Variants in YAP1 observed in about 807,000 individuals in gnomAD.
The protein encoded by YAP1 is transcriptional coactivator YAP1.
Under a neutral mutation model 56.9 loss-of-function variants are expected in YAP1, and 5 were observed. That is an observed-to-expected ratio of 0.09 (90% CI 0.05 to 0.18). YAP1 has a LOEUF of 0.18. Among genes scored for constraint, YAP1 ranks in the 10% least tolerant of loss-of-function variants. YAP1 has a pLI of 1.00. For missense variants in YAP1, 539 were observed against 651.8 expected, an observed-to-expected ratio of 0.83 and a Z score of 1.88; for synonymous variants, 265 against 248.1, an observed-to-expected ratio of 1.07 and a Z score of -0.64.
At chr11:102,161,910 C>T (rs1450496471) in intron 2 of YAP1, among the ~76,000 whole-genome samples, 1 of 152,100 alleles carries the variant, frequency 6.6e-6, no homozygotes, top group Non-Finnish European at 1.5e-5. Context: ...TGTGTAAGAA[C>T]ATGTTATTCA....
At position 102,206,041 on chromosome 11, in the gene YAP1, G is replaced by A; in HGVS notation, c.951G>A (p.Arg317=). ...AGCAACTGCAGATGGAGAAGGAGAGGCTGCGGCTGAAACAGCAAGAACTGC... is the reference window on the plus strand; with the variant it reads ...AGCAACTGCAGATGGAGAAGGAGAGACTGCGGCTGAAACAGCAAGAACTGC... The part of the protein sequence containing the change: ...RLQQLQMEKE[R]LRLKQQELLR... The change falls in exon 5 of 9, where the codon AGG becomes AGA. Residue 317 remains arginine, a synonymous_variant. Coordinates refer to ENST00000282441, the MANE Select transcript of YAP1 (RefSeq NM_001130145.3). The A allele has an allele frequency of 1.2e-6, 2 of 1,613,986 alleles. No individual in the cohort carries two copies. Among genetic ancestry groups the A allele is most frequent in the Non-Finnish European group, 1.7e-6 (2 of 1,179,930 alleles).
intron 8 of YAP1, among the ~76,000 whole-genome samples, chr11:102,228,310 C>G (rs1307827594): frequency 6.6e-6 from 1 of 151,942 alleles, no homozygotes; most frequent in African/African-American, 2.4e-5. Flanking sequence ...GTGGGAAAGA[C>G]TAGGAGGTGG....
chr11:102,115,037 G>A (rs1355178546), intron 2 of YAP1, among the ~76,000 whole-genome samples: 1 of 151,900 alleles, frequency 6.6e-6, no homozygotes, highest in Non-Finnish European at 1.5e-5. Flanking sequence ...CTCCTCTCTG[G>A]GAAAACAAAA....
At chr11:102,199,682 T>A (rs1035796880) in intron 4 of YAP1, among the ~76,000 whole-genome samples, 1 of 152,110 alleles carries the variant, frequency 6.6e-6, no homozygotes, top group Admixed American at 6.5e-5. Context: ...TTTTTAAAAA[T>A]CTCTATAGGT....
intron 2 of YAP1, among the ~76,000 whole-genome samples, chr11:102,161,651 G>A (rs1254893067): frequency 6.6e-6 from 1 of 152,142 alleles, no homozygotes; most frequent in South Asian, 2.1e-4. Flanking sequence ...ACTTTTTAAG[G>A]TAGTTTTATT....
At chr11:102,176,772 AAAAAGAG>A (rs1947283193) in intron 3 of YAP1, among the ~76,000 whole-genome samples, 1 of 142,020 alleles carries the variant, frequency 7.0e-6, no homozygotes, top group Non-Finnish European at 1.5e-5. Flanking sequence ...AAAAAAAAAA[AAAAAGAG>A]TAGAATTTCA....
Position 102,205,956 on chromosome 11 carries a change from GC to G in YAP1, c.869del (p.Pro290HisfsTer31). The G allele has an allele frequency of 6.2e-7, 1 of 1,613,056 alleles. No individual in the cohort carries two copies. Among genetic ancestry groups the G allele is most frequent in the Middle Eastern group, 1.8e-4 (1 of 5,614 alleles). On this transcript the variant is annotated frameshift_variant, in exon 5 of 9. Transcript: ENST00000282441. LOFTEE classifies it high-confidence loss of function. ...VKQPPPLAPQ[S>X]PQGGVMGGSN... ...CAGCCACCACCCCTGGCTCCCCAGA[GC>G]CCACAGGGAGGCGTCATGGGTGGCA...
intron 6 of YAP1, among the ~76,000 whole-genome samples, chr11:102,210,822 G>A (rs1378136364): frequency 1.3e-5 from 2 of 151,610 alleles, no homozygotes; most frequent in Admixed American, 6.6e-5. Context: ...GTGTGATCTC[G>A]GCTCACTGCA....
At chr11:102,142,558 C>T (rs531622233) in intron 2 of YAP1, among the ~76,000 whole-genome samples, 7 of 152,360 alleles carry the variant, frequency 4.6e-5, no homozygotes, top group African/African-American at 1.7e-4. Flanking sequence ...TCATTGATGT[C>T]AGAGCCATGG....
At chr11:102,188,864 T>C (rs572070423) in intron 4 of YAP1, among the ~76,000 whole-genome samples, 134 of 152,190 alleles carry the variant, frequency 8.8e-4, no homozygotes, top group African/African-American at 3.1e-3. Flanking sequence ...ATTAATGTTA[T>C]TTATGTAATT....
At chr11:102,163,091 A>G (rs1184679990) in intron 3 of YAP1, among the ~76,000 whole-genome samples, 1 of 151,838 alleles carries the variant, frequency 6.6e-6, no homozygotes, top group Non-Finnish European at 1.5e-5. Context: ...AACCCAAAAG[A>G]ATATTTCTTA....
At chr11:102,149,812 T>C (rs937495241) in intron 2 of YAP1, among the ~76,000 whole-genome samples, 1 of 152,146 alleles carries the variant, frequency 6.6e-6, no homozygotes, top group Non-Finnish European at 1.5e-5. Context: ...AGACTGGATC[T>C]CCCTTATTCT....
At chr11:102,183,993 C>T (rs1345223281) in intron 3 of YAP1, among the ~76,000 whole-genome samples, 2 of 148,202 alleles carry the variant, frequency 1.3e-5, no homozygotes, top group Non-Finnish European at 3.0e-5. Flanking sequence ...AGGAGAATGG[C>T]GTGAACCCGG....
chr11:102,203,909 T>C (rs1034847718), intron 4 of YAP1, among the ~76,000 whole-genome samples: 5 of 151,886 alleles, frequency 3.3e-5, no homozygotes, highest in African/African-American at 9.7e-5. Context: ...AGTTAGAAAA[T>C]GAAACACAGA....
chr11:102,226,372 G>T (rs1014394662), intron 7 of YAP1, among the ~76,000 whole-genome samples: 1 of 152,214 alleles, frequency 6.6e-6, no homozygotes, highest in Admixed American at 6.5e-5. Flanking sequence ...TTTAGGGAAG[G>T]CAGTTGGGGT....
chr11:102,124,098 T>C (rs1324193920), intron 2 of YAP1, among the ~76,000 whole-genome samples: 1 of 152,006 alleles, frequency 6.6e-6, no homozygotes, highest in East Asian at 1.9e-4. Context: ...ATTACAGGCG[T>C]GTGCCACCAT....
At chr11:102,185,763 G>C (rs1263143110) in intron 3 of YAP1, among the ~76,000 whole-genome samples, 6 of 151,880 alleles carry the variant, frequency 4.0e-5, no homozygotes, top group Non-Finnish European at 8.8e-5. Flanking sequence ...CTTCCAAAAG[G>C]ATTTTTTGGA....
chr11:102,123,683 A>G (rs929135990), intron 2 of YAP1, among the ~76,000 whole-genome samples: 25 of 136,382 alleles, frequency 1.8e-4, no homozygotes, highest in African/African-American at 6.7e-4. Context: ...TCTGTCACCC[A>G]GGTTGGAGTG....
chr11:102,203,471 C>G (rs534629358), intron 4 of YAP1, among the ~76,000 whole-genome samples: 1 of 152,068 alleles, frequency 6.6e-6, no homozygotes, highest in African/African-American at 2.4e-5. Context: ...TTAAAGAAGG[C>G]CCTGTCTTTT....
Sources: gnomAD v4.1 joint callset for allele counts (sites outside exome capture counted in the v4.1 genomes callset) on GRCh38, gnomAD v4.1.1 for gene constraint, MANE v1.5 for transcripts, NCBI Gene and HGNC (gene_info 2026-07-23, HGNC 2026-07-21) for gene names.